CMYA5: variants seen among roughly 807,000 people sequenced by gnomAD.
CMYA5 encodes cardiomyopathy-associated protein 5.
In CMYA5, 246 loss-of-function variants were observed where a neutral mutation model predicts 318.9. The ratio of observed to expected loss-of-function variants is 0.77; its 90% confidence interval spans 0.70 to 0.86. The LOEUF (loss-of-function observed/expected upper bound fraction) is 0.86. CMYA5 is among the 40% of genes least tolerant of loss of function. The pLI is 0.00. For missense variants in CMYA5, 4,589 were observed against 4,678.2 expected, an observed-to-expected ratio of 0.98 and a Z score of 0.56; for synonymous variants, 1,641 against 1,729.5, an observed-to-expected ratio of 0.95 and a Z score of 1.27.
rs1288302902 is a variant in CMYA5 at position 79,731,520 on chromosome 5, G to A, written c.2755G>A (p.Val919Ile). The A allele has an allele frequency of 1.2e-6, 2 of 1,603,476 alleles. No individual in the cohort carries two copies. Among genetic ancestry groups the A allele is most frequent in the Non-Finnish European group, 1.7e-6 (2 of 1,175,066 alleles). Reference protein sequence around the residue: ...ATPEAQEEEIVHRSLNLKGAS... With the variant: ...ATPEAQEEEIIHRSLNLKGAS... ...ACCGGAGGCACAGGAGGAAGAAATTGTCCATAGATCTCTAAATCTAAAAGG... is the reference window on the plus strand; with the variant it reads ...ACCGGAGGCACAGGAGGAAGAAATTATCCATAGATCTCTAAATCTAAAAGG... Residue 919 changes from valine (V) to isoleucine (I), a missense_variant, in exon 2 of 13, where the codon GTC becomes ATC. By Grantham distance (29) the Val-to-Ile change is conservative. Coordinates refer to ENST00000446378, the MANE Select transcript of CMYA5 (RefSeq NM_153610.5).
rs1827957970 is a variant in CMYA5 at position 79,733,111 on chromosome 5, C to T, written c.4346C>T (p.Pro1449Leu). 6.2e-7 allele frequency: 1 copy of T among 1,613,568 alleles called. No individual in the cohort carries two copies. Among genetic ancestry groups the T allele is most frequent in the Non-Finnish European group, 8.5e-7 (1 of 1,179,804 alleles). Residue 1449 changes from proline to leucine, a missense_variant, in exon 2 of 13, where the codon CCA (proline) becomes CTA (leucine). Pro to Leu is a moderately conservative substitution (Grantham distance 98, BLOSUM62 -3). Coordinates refer to ENST00000446378, the MANE Select transcript of CMYA5 (RefSeq NM_153610.5). The stretch of plus-strand genomic sequence containing the variant: ...AAGGAAATTAAATTTGATTCACTTC[C>T]AAGTGTCTCCTCTATAGCAGAGCAT... ...AEKEIKFDSL[P>L]SVSSIAEHSV...
At chr5:79,717,513 C>T (rs1223791972) in intron 1 of CMYA5, among the ~76,000 whole-genome samples, 1 of 152,218 alleles carries the variant, frequency 6.6e-6, no homozygotes, top group South Asian at 2.1e-4. Context: ...GATATATGAG[C>T]TGGTCTCTAA....
intron 9 of CMYA5, among the ~76,000 whole-genome samples, chr5:79,766,683 G>C (rs1333928856): frequency 6.6e-6 from 1 of 152,184 alleles, no homozygotes; most frequent in African/African-American, 2.4e-5. Context: ...TAAGCTTTTT[G>C]ATGTGCTGCT....
Position 79,732,889 on chromosome 5 carries a change from C to A in CMYA5, c.4124C>A (p.Thr1375Lys). 1 of 1,613,746 alleles carries A rather than the reference C, an allele frequency of 6.2e-7. No homozygotes were observed. Among genetic ancestry groups the A allele is most frequent in the Non-Finnish European group, 8.5e-7 (1 of 1,179,786 alleles). The change falls in exon 2 of 13, where the codon ACA (threonine) becomes AAA (lysine). Residue 1375 changes from threonine to lysine, a missense_variant. Physicochemically the swap from Thr to Lys is moderately conservative, Grantham distance 78. This residue lies in a region of CMYA5 where 2,132 missense variants were observed against 2,131.3 expected (regional missense o/e 1.00). Transcript: ENST00000446378. ...LTRAVKEEIP[T>K]DSSLITPVDR... ...AGAGCAGTAAAAGAAGAAATCCCAA[C>A]AGATTCATCTCTTATCACTCCTGTA...
chr5:79,767,124 T>A (rs575271170), intron 9 of CMYA5, among the ~76,000 whole-genome samples: 2 of 152,332 alleles, frequency 1.3e-5, no homozygotes, highest in South Asian at 2.1e-4. Context: ...TGATGGTAGT[T>A]TGTATTTCTG....
chr5:79,778,840 T>TGTGTG (rs1453105123), intron 9 of CMYA5, among the ~76,000 whole-genome samples: 6 of 122,052 alleles, frequency 4.9e-5, no homozygotes, highest in African/African-American at 1.1e-4. Flanking sequence ...TGTGTGTATG[T>TGTGTG]TTATTCACTC....
chr5:79,731,029 C>T lies in CMYA5; in HGVS notation c.2264C>T (p.Ser755Leu). The change falls in exon 2 of 13, where the codon TCA (serine) becomes TTA (leucine). Residue 755 changes from serine (S) to leucine (L), a missense_variant. Around this residue, in one of 3 missense-constraint regions of CMYA5, gnomAD observed 2,132 missense variants for 2,131.3 expected, o/e 1.00. Coordinates refer to ENST00000446378, the MANE Select transcript of CMYA5 (RefSeq NM_153610.5). Reference sequence around the variant, plus strand: ...GCCCCTGCTTCTGAGCCCTCTCTCTCACCATCCACAACCGAAAAGACTTCT... The same window carrying T: ...GCCCCTGCTTCTGAGCCCTCTCTCTTACCATCCACAACCGAAAAGACTTCT... The part of the protein sequence containing the change: ...AVAPASEPSL[S>L]PSTTEKTSEC... 6.2e-7 allele frequency: 1 copy of T among 1,614,050 alleles called. No homozygotes were observed. The highest frequency in any genetic ancestry group is 2.2e-5 in the East Asian group (1 of 44,884).
At position 79,731,418 on chromosome 5, in the gene CMYA5, G is replaced by A. The variant is rs768094007; in HGVS notation, c.2653G>A (p.Glu885Lys). 1.4e-5 allele frequency: 22 copies of A among 1,613,424 alleles called. No homozygotes were observed. The highest frequency in any genetic ancestry group is 7.7e-5 in the South Asian group (7 of 91,020). ...TPSEYVVLSD[E>K]EAVELERYTP... ...ATCTGAATATGTTGTTCTATCAGAC[G>A]AAGAGGCAGTCGAGTTGGAACGATA... The change falls in exon 2 of 13, where the codon GAA becomes AAA. Residue 885 changes from glutamate to lysine, a missense_variant. This residue lies in a region of CMYA5 where 2,132 missense variants were observed against 2,131.3 expected (regional missense o/e 1.00). Coordinates refer to ENST00000446378, the MANE Select transcript of CMYA5 (RefSeq NM_153610.5).
In CMYA5 at chr5:79,738,673, G is replaced by C. The variant is rs1828142747; in HGVS notation, c.9908G>C (p.Gly3303Ala). 7 of 1,613,808 alleles carry C rather than the reference G, an allele frequency of 4.3e-6. No individual in the cohort carries two copies. The highest frequency in any genetic ancestry group is 5.1e-6 in the Non-Finnish European group (6 of 1,179,868). ...KSLEEQKGVYGEGESVDHVET... is the reference protein window; with the variant it reads ...KSLEEQKGVYAEGESVDHVET... ...CTGGAAGAACAGAAAGGTGTTTATG[G>C]GGAAGGAGAATCAGTAGACCATGTG... Residue 3303 changes from glycine (G) to alanine (A), a missense_variant, in exon 2 of 13, where the codon GGG (glycine) becomes GCG (alanine). Gly to Ala is a moderately conservative substitution (Grantham distance 60). Coordinates refer to ENST00000446378, the MANE Select transcript of CMYA5 (RefSeq NM_153610.5).
intron 9 of CMYA5, 99 bp downstream of exon 9, chr5:79,763,308 C>A: frequency 1.8e-6 from 2 of 1,106,260 alleles, no homozygotes; most frequent in African/African-American, 1.6e-5. Context: ...GGGAGAAATG[C>A]CGTCTAAAAT....
chr5:79,774,764 G>T (rs1202631024), intron 9 of CMYA5, among the ~76,000 whole-genome samples: 1 of 152,196 alleles, frequency 6.6e-6, no homozygotes, highest in East Asian at 1.9e-4. Context: ...GGTGGAGCAG[G>T]AACAGAATTG....
chr5:79,763,772 C>T (rs1356553075), intron 9 of CMYA5, among the ~76,000 whole-genome samples: 12 of 152,200 alleles, frequency 7.9e-5, no homozygotes, highest in Admixed American at 7.9e-4. Context: ...AGCAGCTGTG[C>T]ATCCACTAGG....
chr5:79,738,539 G>C lies in CMYA5; in HGVS notation c.9774G>C (p.Gln3258His), dbSNP rs1210000701. 6.2e-7 allele frequency: 1 copy of C among 1,613,378 alleles called. No homozygotes were observed. Reference sequence around the variant, plus strand: ...ACACATCTCTAACTCAAAAGGACCAGGGCCAAGGTCTGGAAGAAAAACGAG... The same window carrying C: ...ACACATCTCTAACTCAAAAGGACCACGGCCAAGGTCTGGAAGAAAAACGAG... ...LHDTSLTQKD[Q>H]GQGLEEKRVG... Residue 3258 changes from glutamine to histidine, a missense_variant, in exon 2 of 13, where the codon CAG (glutamine) becomes CAC (histidine). Physicochemically the swap from Gln to His is conservative, Grantham distance 24 (BLOSUM62 0). Transcript: ENST00000446378.
chr5:79,724,996 T>C (rs1238496685), intron 1 of CMYA5, among the ~76,000 whole-genome samples: 1 of 152,250 alleles, frequency 6.6e-6, no homozygotes, highest in African/African-American at 2.4e-5. Context: ...AACTCAAGTA[T>C]TTTCCCTCTG....
In CMYA5 at chr5:79,762,106, G is replaced by A. The variant is rs540718525; in HGVS notation, c.11407+149G>A. ...TTATACAACGATGACTTAAGCCTGG[G>A]GTCCTGTTCTCAAGAAGCTCATGCT... On this transcript the variant is annotated intron_variant, in intron 8 of 12. Coordinates refer to ENST00000446378, the MANE Select transcript of CMYA5 (RefSeq NM_153610.5). 3.3e-4 allele frequency: 279 copies of A among 840,552 alleles called. No homozygotes were observed. In the South Asian group the frequency reaches 7.3e-3, roughly 22 times the overall value. The allele number at this position is 840,552 out of a possible 1,614,324, so 52.1% of individuals were successfully genotyped here.
chr5:79,767,796 A>G (rs1238784072), intron 9 of CMYA5, among the ~76,000 whole-genome samples: 1 of 152,168 alleles, frequency 6.6e-6, no homozygotes, highest in East Asian at 1.9e-4. Flanking sequence ...TGGGGTGGAG[A>G]GTTCTGTAGA....
At chr5:79,709,245 TTTTGCTTTTGAGTCTCAA>T (rs1338414049) in intron 1 of CMYA5, among the ~76,000 whole-genome samples, 2 of 152,164 alleles carry the variant, frequency 1.3e-5, no homozygotes, top group Non-Finnish European at 2.9e-5. Context: ...GAAAAAATTA[TTTTGCTTTTGAGTCTCAA>T]ATTCTACTAC....
In CMYA5 at chr5:79,733,304, G is replaced by A. The variant is rs1827963726; in HGVS notation, c.4539G>A (p.Lys1513=). The part of the protein sequence containing the change: ...CDSERLVSSQ[K]KSLMSTSEVL... ...CTGAACGTTTGGTTTCATCACAGAA[G>A]AAGAGCTTGATGTCTACCTCAGAGG... Residue 1513 remains lysine, a synonymous_variant, in exon 2 of 13, where the codon AAG becomes AAA. Transcript: ENST00000446378. The A allele has an allele frequency of 1.2e-6, 2 of 1,613,712 alleles. No homozygotes were observed. Among genetic ancestry groups the A allele is most frequent in the East Asian group, 4.5e-5 (2 of 44,880 alleles).
In CMYA5 at chr5:79,735,846, A is replaced by G. The variant is rs1342469970; in HGVS notation, c.7081A>G (p.Ile2361Val). 7.7e-6 allele frequency: 12 copies of G among 1,556,802 alleles called. No homozygotes were observed. Among genetic ancestry groups the G allele is most frequent in the Admixed American group, 2.1e-5 (1 of 46,672 alleles). Residue 2361 changes from isoleucine to valine, a missense_variant, in exon 2 of 13, where the codon ATT (isoleucine) becomes GTT (valine). Ile to Val is a conservative substitution (Grantham distance 29). This residue lies in a region of CMYA5 where 2,431 missense variants were observed against 2,495.1 expected (regional missense o/e 0.97). Transcript: ENST00000446378. ...IAPPSKWNIS[I>V]FKEEPRSDQK... ...TCCTCCATCTAAATGGAATATTTCT[A>G]TTTTTAAGGAAGAGCCAAGAAGTGA...
Sources: gnomAD v4.1 joint callset for allele counts (sites outside exome capture counted in the v4.1 genomes callset) on GRCh38, gnomAD v4.1.1 for gene constraint, gnomAD v4.1.1 regional missense constraint, MANE v1.5 for transcripts, NCBI Gene and HGNC (gene_info 2026-07-23, HGNC 2026-07-21) for gene names.